The following PKNOX1 variants were observed in gnomAD, a reference collection of about 807,000 sequenced individuals.
PKNOX1 encodes PBX/knotted 1 homeobox 1.
Under a neutral mutation model 51.9 loss-of-function variants are expected in PKNOX1, and 15 were observed. That is an observed-to-expected ratio of 0.29 (90% CI 0.19 to 0.45). The LOEUF is 0.45. Ranked by LOEUF, PKNOX1 falls within the 20% of genes least tolerant of loss-of-function variation. The pLI is 1.00. For missense variants in PKNOX1, 462 were observed against 547.5 expected (o/e 0.84, Z 1.56); for synonymous variants, 219 against 211.1 (o/e 1.04, Z -0.32).
At position 43,013,220 on chromosome 21, in the gene PKNOX1, C is replaced by T; in HGVS notation, c.504C>T (p.Tyr168=). The change falls in exon 5 of 11, where the codon TAC becomes TAT. Residue 168 remains tyrosine (Y), a synonymous_variant. Coordinates refer to ENST00000291547, the MANE Select transcript of PKNOX1 (RefSeq NM_004571.5). The stretch of plus-strand genomic sequence containing the variant: ...TGAGTGGAGAGCCTGGAAGCCCGTA[C>T]TCACCAGTGCAGTCCCAGGTACTTA... ...TLLSGEPGSP[Y]SPVQSQQIQS... is the part of the protein sequence containing the mutation. The T allele has an allele frequency of 1.2e-6, 2 of 1,608,640 alleles. No individual in the cohort carries two copies. The highest frequency in any genetic ancestry group is 1.7e-6 in the Non-Finnish European group (2 of 1,177,014).
At chr21:42,986,131 G>T (rs1193706068) in intron 1 of PKNOX1, among the ~76,000 whole-genome samples, 1 of 152,114 alleles carries the variant, frequency 6.6e-6, no homozygotes, top group African/African-American at 2.4e-5. Flanking sequence ...TTTTGATACA[G>T]ATTTTAACAG....
chr21:42,999,395 G>A (rs905645726), intron 1 of PKNOX1, among the ~76,000 whole-genome samples: 1 of 152,352 alleles, frequency 6.6e-6, no homozygotes, highest in Non-Finnish European at 1.5e-5. Flanking sequence ...TTTCCCCATT[G>A]TCTGGGGGAT....
At chr21:42,995,539 A>G (rs960952349) in intron 1 of PKNOX1, among the ~76,000 whole-genome samples, 2 of 151,982 alleles carry the variant, frequency 1.3e-5, no homozygotes, top group Non-Finnish European at 2.9e-5. Context: ...TTAGCCAGGT[A>G]TGGTGGCATG....
At chr21:43,009,339 G>C (rs1276790329) in intron 3 of PKNOX1, among the ~76,000 whole-genome samples, 1 of 152,120 alleles carries the variant, frequency 6.6e-6, no homozygotes, top group African/African-American at 2.4e-5. Flanking sequence ...TAGCTACTTG[G>C]GAGGCTGAGG....
intron 9 of PKNOX1, among the ~76,000 whole-genome samples, chr21:43,026,100 G>A (rs1979973809): frequency 6.6e-6 from 1 of 152,186 alleles, no homozygotes; most frequent in Non-Finnish European, 1.5e-5. Flanking sequence ...GGGCACACCT[G>A]TGGTGGGTGG....
intron 1 of PKNOX1, among the ~76,000 whole-genome samples, chr21:42,978,036 G>T (rs2059006558): frequency 6.6e-6 from 1 of 151,258 alleles, no homozygotes; most frequent in South Asian, 2.1e-4. Flanking sequence ...CTCTTTTTTT[G>T]AGACTATTGC....
chr21:42,978,617 GGGA>G (rs2059010802), intron 1 of PKNOX1, among the ~76,000 whole-genome samples: 1 of 150,818 alleles, frequency 6.6e-6, no homozygotes, highest in South Asian at 2.1e-4. Context: ...CCAAGTAGTT[GGGA>G]CTACAGACGT....
chr21:43,013,303 G>T, intron 5 of PKNOX1, 65 bp downstream of exon 5: 1 of 1,190,658 alleles, frequency 8.4e-7, no homozygotes, highest in South Asian at 1.7e-5. Flanking sequence ...TGAGTCATGA[G>T]ACCACCAGCT....
Position 43,032,010 on chromosome 21 carries a change from C to T in PKNOX1, c.*1909C>T, listed in dbSNP as rs553047065. 81 of 363,096 alleles carry T rather than the reference C, an allele frequency of 2.2e-4. No homozygotes were observed. The highest frequency in any genetic ancestry group is 1.1e-3 in the South Asian group (53 of 49,668). 22.5% of individuals were successfully genotyped at this position (363,096 alleles called of 1,614,324 possible). A position where few individuals can be genotyped will look rare whatever the true frequency, so the allele number is the denominator to read the frequency against. On this transcript the variant is annotated 3_prime_UTR_variant, in exon 11 of 11. Transcript: ENST00000291547. ...CTGAGTAGCTGGGATTACAGGCATG[C>T]GCCACCACACCCGGCTAATTTTGTA...
chr21:43,002,561 T>C (rs576057334), intron 1 of PKNOX1, among the ~76,000 whole-genome samples: 2 of 152,258 alleles, frequency 1.3e-5, no homozygotes. Context: ...TGAGGCCACA[T>C]TGCTCAGGCT....
At chr21:42,990,947 G>A (rs1295596405) in intron 1 of PKNOX1, among the ~76,000 whole-genome samples, 5 of 152,090 alleles carry the variant, frequency 3.3e-5, no homozygotes, top group Non-Finnish European at 7.4e-5. Flanking sequence ...CTTACCACCT[G>A]CTTTGGGTGA....
chr21:43,008,061 T>TCTCACACACACACACACA (rs59792199), intron 3 of PKNOX1, among the ~76,000 whole-genome samples: 47 of 146,776 alleles, frequency 3.2e-4, no homozygotes, highest in African/African-American at 9.4e-4. Flanking sequence ...CAAAACTCTG[T>TCTCACACACACACACACA]CACACACACA....
chr21:42,987,407 ATAT>A (rs1568888885), intron 1 of PKNOX1, among the ~76,000 whole-genome samples: 8 of 80,762 alleles, frequency 9.9e-5, no homozygotes, highest in Non-Finnish European at 1.5e-4. Context: ...AAAAAAAAAT[ATAT>A]ATATATATAT....
chr21:43,002,559 C>T (rs1180254387), intron 1 of PKNOX1, among the ~76,000 whole-genome samples: 2 of 152,268 alleles, frequency 1.3e-5, no homozygotes, highest in South Asian at 2.1e-4. Flanking sequence ...GCTGAGGCCA[C>T]ATTGCTCAGG....
chr21:43,029,011 C>T, intron 10 of PKNOX1, 137 bp downstream of exon 10: 1 of 820,982 alleles, frequency 1.2e-6, no homozygotes, highest in Non-Finnish European at 2.0e-6. Context: ...TTCTCTGCAA[C>T]TAAAACATGA....
In PKNOX1 at chr21:43,030,222, C is replaced by T; in HGVS notation, c.*121C>T. The T allele has an allele frequency of 1.3e-6, 1 of 785,652 alleles. No individual in the cohort carries two copies. Among genetic ancestry groups the T allele is most frequent in the Non-Finnish European group, 2.0e-6 (1 of 505,420 alleles). 48.7% of individuals were successfully genotyped at this position (785,652 alleles called of 1,614,324 possible). A position where few individuals can be genotyped will look rare whatever the true frequency, so the allele number is the denominator to read the frequency against. On this transcript the variant is annotated 3_prime_UTR_variant, in exon 11 of 11. Transcript: ENST00000291547. The stretch of plus-strand genomic sequence containing the variant: ...GTGCACTTTTGTATTTCATAGTAAG[C>T]TTAAAGCGCGTCTTTGCCGGTGCAG...
intron 1 of PKNOX1, among the ~76,000 whole-genome samples, chr21:43,000,878 G>A (rs1665423292): frequency 6.6e-6 from 1 of 152,128 alleles, no homozygotes; most frequent in African/African-American, 2.4e-5. Context: ...ACAAGAACCT[G>A]TCTCTAAAAA....
At chr21:42,979,971 C>A (rs1214983816) in intron 1 of PKNOX1, among the ~76,000 whole-genome samples, 1 of 152,190 alleles carries the variant, frequency 6.6e-6, no homozygotes, top group African/African-American at 2.4e-5. Context: ...CGCTTATGAT[C>A]TAAGTGCCAG....
At chr21:42,976,305 C>T (rs1382459689) in intron 1 of PKNOX1, among the ~76,000 whole-genome samples, 2 of 152,316 alleles carry the variant, frequency 1.3e-5, no homozygotes, top group Admixed American at 6.5e-5. Context: ...TACTAATGAT[C>T]ATCTGAGCCT....
Sources: allele counts gnomAD v4.1 joint callset (sites outside exome capture counted in the v4.1 genomes callset), GRCh38; gene constraint gnomAD v4.1.1; transcripts MANE v1.5; gene names NCBI Gene and HGNC (gene_info 2026-07-23, HGNC 2026-07-21).